The following CCDC14 variants were observed in gnomAD, a reference collection of about 807,000 sequenced individuals.
CCDC14 encodes coiled-coil domain-containing protein 14.
Under a neutral mutation model 81.4 loss-of-function variants are expected in CCDC14, and 71 were observed. The observed-to-expected ratio is 0.87, with a 90% CI of 0.72 to 1.06. The LOEUF (loss-of-function observed/expected upper bound fraction) is 1.06, where lower values mean the gene tolerates loss of function less well. Among genes scored for constraint, CCDC14 ranks in the 50% least tolerant of loss-of-function variants. The pLI, the probability that CCDC14 is intolerant of heterozygous loss-of-function variation, is 0.00. For synonymous variants in CCDC14, 332 were observed against 364.8 expected, an observed-to-expected ratio of 0.91 and a Z score of 1.03; for missense variants, 1,046 against 1,047.3, an observed-to-expected ratio of 1.00 and a Z score of 0.02.
At chr3:123,922,990 A>C (rs868616080) in intron 12 of CCDC14, among the ~76,000 whole-genome samples, 1 of 152,150 alleles carries the variant, frequency 6.6e-6, no homozygotes, top group Admixed American at 6.5e-5. Flanking sequence ...AGAAAACTAC[A>C]GGTCAATATC....
At chr3:123,945,414 C>T (rs896069896) in intron 8 of CCDC14, among the ~76,000 whole-genome samples, 4 of 152,018 alleles carry the variant, frequency 2.6e-5, no homozygotes. Context: ...CATAAGCAAA[C>T]AATTTACTTT....
chr3:123,923,437 T>C (rs775206989), intron 12 of CCDC14, among the ~76,000 whole-genome samples: 6 of 151,946 alleles, frequency 3.9e-5, no homozygotes, highest in Non-Finnish European at 8.8e-5. Flanking sequence ...CCCAGAGTAA[T>C]TATGCAAGAG....
chr3:123,956,524 C>T, intron 2 of CCDC14, 97 bp from the exon 3 acceptor site: 4 of 870,248 alleles, frequency 4.6e-6, no homozygotes, highest in Non-Finnish European at 5.3e-6. Context: ...AAAGCTTGTC[C>T]AACCATGTAC....
At chr3:123,933,129 C>CAAAA (rs60220911) in intron 10 of CCDC14, among the ~76,000 whole-genome samples, 29,096 of 150,506 alleles carry the variant, frequency 0.19, 3,328 homozygotes, top group East Asian at 0.45. Flanking sequence ...AACAAACAAA[C>CAAAA]AAAGCTGACA....
rs779133904 is a variant in CCDC14, at chr3:123,915,387, C to A, written c.2110G>T (p.Ala704Ser). The A allele has an allele frequency of 2.9e-5, 46 of 1,613,516 alleles. No individual in the cohort carries two copies. The highest frequency in any genetic ancestry group is 8.5e-7 in the Non-Finnish European group (1 of 1,179,712). ...TCATCAGAATCCTGTTTTGAAAGGG[C>A]AGAAATAATTCCAGGTGCAGATGCT... ...EEASAPGIIS[A>S]LSKQDSDEGS... Residue 704 changes from alanine to serine, a missense_variant, in exon 13 of 13, where the codon GCC (alanine) becomes TCC (serine). By Grantham distance (99) the Ala-to-Ser change is moderately conservative. Coordinates refer to ENST00000409697, the MANE Select transcript of CCDC14 (RefSeq NM_001366335.1).
downstream of CCDC14, among the ~76,000 whole-genome samples, chr3:123,912,588 C>T (rs765416832): frequency 1.3e-5 from 2 of 152,048 alleles, no homozygotes; most frequent in Admixed American, 1.3e-4. Flanking sequence ...CTTTTATTGC[C>T]AAAGGATTAT....
intron 5 of CCDC14, among the ~76,000 whole-genome samples, chr3:123,908,226 G>T (rs1274359484): frequency 1.3e-5 from 2 of 152,176 alleles, no homozygotes; most frequent in Admixed American, 6.5e-5. Context: ...AAGCCACGTG[G>T]CTAGTTCCTT....
At chr3:123,955,326 G>A (rs2037261231) in intron 5 of CCDC14, 1 of 152,062 alleles carries the variant, frequency 6.6e-6, no homozygotes, top group Admixed American at 6.6e-5. Flanking sequence ...AGTTAGCCGT[G>A]AGGGTGTAAA....
intron 10 of CCDC14, among the ~76,000 whole-genome samples, chr3:123,932,934 A>G (rs886826949): frequency 2.6e-5 from 4 of 151,990 alleles, no homozygotes; most frequent in Admixed American, 2.6e-4. Flanking sequence ...CCCTGTCTCT[A>G]ATAAAAATAC....
intron 5 of CCDC14, among the ~76,000 whole-genome samples, chr3:123,899,453 C>G (rs2034137227): frequency 6.6e-6 from 1 of 152,170 alleles, no homozygotes; most frequent in Non-Finnish European, 1.5e-5. Context: ...CAGTATTGCC[C>G]TCTTCCCCTC....
chr3:123,921,904 A>G (rs1044772092), intron 12 of CCDC14, among the ~76,000 whole-genome samples: 1 of 152,242 alleles, frequency 6.6e-6, no homozygotes, highest in Non-Finnish European at 1.5e-5. Flanking sequence ...AATATAGAAC[A>G]TTCCATCCTA....
intron 8 of CCDC14, among the ~76,000 whole-genome samples, 176 bp from the exon 9 acceptor site, chr3:123,945,166 T>C (rs1447739147): frequency 6.6e-6 from 1 of 152,154 alleles, no homozygotes; most frequent in Non-Finnish European, 1.5e-5. Flanking sequence ...GCTGCTGGTA[T>C]TTGTTTCCTC....
chr3:123,940,357 A>G (rs1320353539), intron 9 of CCDC14, among the ~76,000 whole-genome samples: 1 of 151,590 alleles, frequency 6.6e-6, no homozygotes, highest in Admixed American at 6.6e-5. Context: ...CTTTGTCTCA[A>G]TCTCAGTCTT....
At chr3:123,961,036 C>T (rs764459732) in intron 1 of CCDC14, 108 bp downstream of exon 1, 133 of 978,350 alleles carry the variant, frequency 1.4e-4, no homozygotes, top group Non-Finnish European at 1.9e-4. Flanking sequence ...TTAATGTCGC[C>T]GCATTGTCTT....
chr3:123,955,987 G>A (rs538171715), intron 4 of CCDC14, 22 bp from the exon 5 acceptor site: 1 of 1,524,222 alleles, frequency 6.6e-7, no homozygotes, highest in South Asian at 1.3e-5. Flanking sequence ...ACAAAAATTT[G>A]TTACATCAAA....
chr3:123,931,616 AGGCCTG>A (rs2035722107), intron 10 of CCDC14, 90 bp from the exon 11 acceptor site: 1 of 600,254 alleles, frequency 1.7e-6, no homozygotes, highest in Non-Finnish European at 2.8e-6. Context: ...AAAAAAAAAA[AGGCCTG>A]AAATTTATTG....
chr3:123,943,050 AT>A (rs2036435489), intron 9 of CCDC14, among the ~76,000 whole-genome samples: 1 of 151,718 alleles, frequency 6.6e-6, no homozygotes, highest in African/African-American at 2.4e-5. Flanking sequence ...TATTTTATAT[AT>A]TTTTATATAT....
intron 5 of CCDC14, among the ~76,000 whole-genome samples, chr3:123,902,366 A>G (rs1027883643): frequency 3.3e-5 from 5 of 152,352 alleles, no homozygotes; most frequent in Admixed American, 1.3e-4. Flanking sequence ...CTGAGCATCA[A>G]TGGTTGCTAA....
chr3:123,922,144 T>G (rs2035084402), intron 12 of CCDC14, among the ~76,000 whole-genome samples: 1 of 151,938 alleles, frequency 6.6e-6, no homozygotes, highest in Non-Finnish European at 1.5e-5. Flanking sequence ...AAAGAAGAAA[T>G]TAAAAGGGTA....
Sources: gnomAD v4.1 joint callset for allele counts (sites outside exome capture counted in the v4.1 genomes callset) on GRCh38, gnomAD v4.1.1 for gene constraint, MANE v1.5 for transcripts, NCBI Gene and HGNC (gene_info 2026-07-23, HGNC 2026-07-21) for gene names.